Variants in DNAJB6 observed in about 807,000 individuals in gnomAD.
DNAJB6 encodes dnaJ homolog subfamily B member 6.
In DNAJB6, 16 loss-of-function variants were observed where a neutral mutation model predicts 42.7. That is an observed-to-expected ratio of 0.37 (90% CI 0.25 to 0.57). DNAJB6 has a LOEUF of 0.57. Among genes scored for constraint, DNAJB6 ranks in the 20% least tolerant of loss-of-function variants. The pLI is 0.74. For synonymous variants in DNAJB6, 170 were observed against 163.5 expected (o/e 1.04, Z -0.30); for missense variants, 347 against 416.8 (o/e 0.83, Z 1.46).
chr7:157,350,445 G>A (rs1388580034), intron 1 of DNAJB6, among the ~76,000 whole-genome samples: 1 of 152,096 alleles, frequency 6.6e-6, no homozygotes, highest in Non-Finnish European at 1.5e-5. Context: ...GGAGACCCCC[G>A]CTCCCCAGCA....
chr7:157,371,406 G>A (rs2117024300), intron 5 of DNAJB6, among the ~76,000 whole-genome samples: 1 of 152,384 alleles, frequency 6.6e-6, no homozygotes, highest in East Asian at 1.9e-4. Context: ...GTGAAGGGGT[G>A]CCGGATGTTG....
At chr7:157,407,506 A>G (rs1007541773) in intron 8 of DNAJB6, among the ~76,000 whole-genome samples, 1 of 152,208 alleles carries the variant, frequency 6.6e-6, no homozygotes, top group African/African-American at 2.4e-5. Context: ...TCCTGGAGGC[A>G]GGAACGGGCT....
chr7:157,398,456 A>G (rs984810171), intron 8 of DNAJB6, among the ~76,000 whole-genome samples: 4 of 152,228 alleles, frequency 2.6e-5, no homozygotes, highest in Non-Finnish European at 5.9e-5. Flanking sequence ...TTTTATCTGC[A>G]GGAGTTTGTT....
At chr7:157,389,527 G>A (rs547377936) in intron 8 of DNAJB6, among the ~76,000 whole-genome samples, 12 of 152,304 alleles carry the variant, frequency 7.9e-5, no homozygotes, top group African/African-American at 2.6e-4. Flanking sequence ...TTTTAAAAAC[G>A]AAGGCATGAG....
intron 8 of DNAJB6, among the ~76,000 whole-genome samples, chr7:157,392,887 TG>T (rs1355675213): frequency 6.6e-6 from 1 of 152,250 alleles, no homozygotes; most frequent in Non-Finnish European, 1.5e-5. Flanking sequence ...GTGTGTTTTC[TG>T]TTCTAACTTA....
chr7:157,386,583 T>C (rs1449422116), intron 8 of DNAJB6, among the ~76,000 whole-genome samples: 1 of 151,496 alleles, frequency 6.6e-6, no homozygotes. Context: ...TCTAGTTTGA[T>C]GTAAGATCAC....
intron 3 of DNAJB6, among the ~76,000 whole-genome samples, chr7:157,364,305 C>T (rs1460152150): frequency 6.6e-6 from 1 of 152,148 alleles, no homozygotes; most frequent in Non-Finnish European, 1.5e-5. Flanking sequence ...TCTGGTGACA[C>T]TGTGGCCCAC....
At chr7:157,403,344 C>T (rs1455531104) in intron 8 of DNAJB6, among the ~76,000 whole-genome samples, 1 of 152,158 alleles carries the variant, frequency 6.6e-6, no homozygotes, top group African/African-American at 2.4e-5. Flanking sequence ...TTGTCTGCAC[C>T]TGTGAAGATA....
chr7:157,338,643 CTT>C (rs973779319), intron 1 of DNAJB6, among the ~76,000 whole-genome samples: 1 of 152,224 alleles, frequency 6.6e-6, no homozygotes, highest in Non-Finnish European at 1.5e-5. Flanking sequence ...CGACTCCAGA[CTT>C]GTTTCCACTC....
intron 8 of DNAJB6, among the ~76,000 whole-genome samples, chr7:157,396,906 C>T (rs1002815944): frequency 5.3e-5 from 8 of 152,128 alleles, no homozygotes; most frequent in Middle Eastern, 3.2e-3. Flanking sequence ...GGAAGGCCGA[C>T]GCCACAGTGT....
intron 5 of DNAJB6, among the ~76,000 whole-genome samples, chr7:157,376,243 A>C (rs1800464778): frequency 6.6e-6 from 1 of 152,158 alleles, no homozygotes; most frequent in Non-Finnish European, 1.5e-5. Context: ...TTTTGTGGTC[A>C]GTTTTCTCAC....
intron 1 of DNAJB6, among the ~76,000 whole-genome samples, chr7:157,344,023 G>A (rs1049479018): frequency 6.6e-6 from 1 of 152,120 alleles, no homozygotes; most frequent in Non-Finnish European, 1.5e-5. Context: ...ATAGTTTAAA[G>A]AAGTTTCATA....
At chr7:157,340,856 A>G (rs1156896082) in intron 1 of DNAJB6, among the ~76,000 whole-genome samples, 3 of 152,002 alleles carry the variant, frequency 2.0e-5, no homozygotes, top group South Asian at 2.1e-4. Context: ...TTTAGTAGAG[A>G]CGGTTTCACC....
chr7:157,405,815 G>A (rs926225570), intron 8 of DNAJB6, among the ~76,000 whole-genome samples: 11 of 152,236 alleles, frequency 7.2e-5, no homozygotes, highest in Non-Finnish European at 1.0e-4. Flanking sequence ...TGCTTGTTCC[G>A]GTTCTCCTGC....
chr7:157,416,811 A>G lies in DNAJB6; in HGVS notation c.*713A>G, dbSNP rs923187056. Reference sequence around the variant, plus strand: ...CTCAGTGGCACTCTCCCTAGTGTCCATGGGTTAGGGCCATGCTGGGGAAAA... The same window carrying G: ...CTCAGTGGCACTCTCCCTAGTGTCCGTGGGTTAGGGCCATGCTGGGGAAAA... On this transcript the variant is annotated 3_prime_UTR_variant, in exon 10 of 10. Transcript: ENST00000262177. 4 of 152,100 alleles carry G rather than the reference A, an allele frequency of 2.6e-5. No individual in the cohort carries two copies. The highest frequency in any genetic ancestry group is 9.7e-5 in the African/African-American group (4 of 41,390). The allele number at this position is 152,100 out of a possible 1,614,324, so 9.4% of individuals were successfully genotyped here.
chr7:157,401,717 C>T (rs750593620), intron 8 of DNAJB6, among the ~76,000 whole-genome samples: 6 of 152,280 alleles, frequency 3.9e-5, no homozygotes, highest in African/African-American at 7.2e-5. Context: ...AGAGCTGTGA[C>T]GTGAAGCATT....
intron 1 of DNAJB6, among the ~76,000 whole-genome samples, chr7:157,343,006 G>C (rs1272280812): frequency 9.8e-6 from 1 of 101,828 alleles, no homozygotes; most frequent in Admixed American, 1.0e-4. Context: ...TTTTTTTGTT[G>C]TTTGAGACCA....
chr7:157,362,148 T>C (rs1394655450), intron 2 of DNAJB6, among the ~76,000 whole-genome samples: 1 of 152,182 alleles, frequency 6.6e-6, no homozygotes, highest in Non-Finnish European at 1.5e-5. Flanking sequence ...ATAGAATCTT[T>C]GTAGAAGTCA....
chr7:157,383,501 T>G (rs572327191), intron 6 of DNAJB6, among the ~76,000 whole-genome samples: 1 of 152,250 alleles, frequency 6.6e-6, no homozygotes, highest in Non-Finnish European at 1.5e-5. Context: ...CCTCAACAGA[T>G]CCTCTCATTT....
Sources: allele counts gnomAD v4.1 joint callset (sites outside exome capture counted in the v4.1 genomes callset), GRCh38; gene constraint gnomAD v4.1.1; transcripts MANE v1.5; gene names NCBI Gene and HGNC (gene_info 2026-07-23, HGNC 2026-07-21).